Variants in ZRANB3 observed in about 807,000 individuals in gnomAD.
The protein encoded by ZRANB3 is DNA annealing helicase and endonuclease ZRANB3.
A neutral mutation model predicts 133.8 loss-of-function variants in ZRANB3; 125 were observed. The ratio of observed to expected loss-of-function variants is 0.93; its 90% CI spans 0.81 to 1.08. The LOEUF (loss-of-function observed/expected upper bound fraction) is 1.08. Among genes scored for constraint, ZRANB3 ranks in the 50% least tolerant of loss-of-function variants. The pLI is 0.00. For synonymous variants in ZRANB3, 387 were observed against 432.7 expected (o/e 0.89, Z 1.31); for missense variants, 1,229 against 1,275.5 (o/e 0.96, Z 0.56).
intron 2 of ZRANB3, among the ~76,000 whole-genome samples, chr2:135,456,409 T>C (rs193179290): frequency 6.6e-6 from 1 of 152,320 alleles, no homozygotes. Context: ...GGCCTTACAT[T>C]ACCTGTAAGG....
chr2:135,273,981 C>G (rs73960635), intron 9 of ZRANB3, among the ~76,000 whole-genome samples: 1 of 152,014 alleles, frequency 6.6e-6, no homozygotes, highest in Admixed American at 6.5e-5. Context: ...AAAAATATTA[C>G]GAATCTAATT....
chr2:135,266,462 G>C (rs1339598029), intron 11 of ZRANB3, among the ~76,000 whole-genome samples: 1 of 151,828 alleles, frequency 6.6e-6, no homozygotes, highest in Non-Finnish European at 1.5e-5. Flanking sequence ...AAGGAGTCTG[G>C]CACCTTTTAA....
chr2:135,254,008 C>T (rs145329321), intron 12 of ZRANB3, among the ~76,000 whole-genome samples: 630 of 152,316 alleles, frequency 4.1e-3, no homozygotes, highest in Middle Eastern at 0.02. Context: ...TTTGGCATGG[C>T]AAGTGTGAGT....
At chr2:135,390,692 C>T (rs1574023863) in intron 3 of ZRANB3, 110 bp downstream of exon 3, 2 of 1,458,074 alleles carry the variant, frequency 1.4e-6, no homozygotes, top group East Asian at 2.5e-5. Flanking sequence ...TCTCCCCATC[C>T]CCATATACAG....
intron 12 of ZRANB3, among the ~76,000 whole-genome samples, chr2:135,259,785 T>A (rs902493557): frequency 3.9e-5 from 6 of 152,186 alleles, no homozygotes; most frequent in Non-Finnish European, 7.3e-5. Context: ...CCTTTTTTTT[T>A]TTGGCTCACC....
intron 3 of ZRANB3, among the ~76,000 whole-genome samples, chr2:135,383,918 A>C (rs1217597381): frequency 6.6e-6 from 1 of 152,214 alleles, no homozygotes; most frequent in Non-Finnish European, 1.5e-5. Context: ...ACACCCTGAC[A>C]ACACAATTAA....
In ZRANB3 at chr2:135,286,324, C is replaced by CTT. The variant is rs1321374567; in HGVS notation, c.967-10570_967-10569insAA. ...AGGGAGTCTGGCTTTGCCACCCAGGCTGGAGTGCAGTGGTACAATCTCGGC... is the reference window on the plus strand; with the variant it reads ...AGGGAGTCTGGCTTTGCCACCCAGGCTTTGGAGTGCAGTGGTACAATCTCGGC... On this transcript the variant is annotated intron_variant, in intron 8 of 20. Transcript: ENST00000264159. Among the ~76,000 whole-genome samples, 19 of 152,306 alleles carry CTT rather than the reference C, an allele frequency of 1.2e-4. No individual in the cohort carries two copies. In the East Asian group the frequency reaches 3.3e-3, roughly 26 times the overall value.
chr2:135,396,510 A>T (rs749117525), intron 2 of ZRANB3, among the ~76,000 whole-genome samples: 3 of 152,158 alleles, frequency 2.0e-5, no homozygotes, highest in Non-Finnish European at 4.4e-5. Flanking sequence ...TGTCATTTGC[A>T]ACAACATGGG....
intron 8 of ZRANB3, among the ~76,000 whole-genome samples, chr2:135,299,166 G>T (rs1456095889): frequency 6.6e-6 from 1 of 152,118 alleles, no homozygotes; most frequent in Non-Finnish European, 1.5e-5. Context: ...CTCTCCTTGG[G>T]CTGGGACTGC....
chr2:135,501,734 T>C (rs1166345994), intron 2 of ZRANB3, among the ~76,000 whole-genome samples: 1 of 152,172 alleles, frequency 6.6e-6, no homozygotes, highest in Non-Finnish European at 1.5e-5. Context: ...TCAGTTGTCT[T>C]GAAAAAATGT....
intron 3 of ZRANB3, among the ~76,000 whole-genome samples, chr2:135,379,324 T>G (rs2104909497): frequency 6.6e-6 from 1 of 152,348 alleles, no homozygotes; most frequent in Middle Eastern, 3.4e-3. Flanking sequence ...ACCTTCATTC[T>G]AACTTCACTG....
intron 6 of ZRANB3, among the ~76,000 whole-genome samples, chr2:135,329,008 T>C (rs1204881459): frequency 6.6e-6 from 1 of 152,238 alleles, no homozygotes; most frequent in African/African-American, 2.4e-5. Context: ...ATTTTGTAGG[T>C]TGCCTGTTCA....
intron 6 of ZRANB3, among the ~76,000 whole-genome samples, chr2:135,325,054 T>C (rs1056880833): frequency 1.3e-5 from 2 of 152,206 alleles, no homozygotes; most frequent in Non-Finnish European, 2.9e-5. Flanking sequence ...AAACTTACTA[T>C]TATAAAGATG....
intron 1 of ZRANB3, among the ~76,000 whole-genome samples, chr2:135,517,620 G>T (rs1379790643): frequency 6.6e-6 from 1 of 152,206 alleles, no homozygotes; most frequent in Non-Finnish European, 1.5e-5. Flanking sequence ...AACAGCAAAG[G>T]TTGCTGCCTG....
chr2:135,351,265 C>G (rs961708220), intron 4 of ZRANB3, among the ~76,000 whole-genome samples: 1 of 119,702 alleles, frequency 8.4e-6, no homozygotes, highest in Non-Finnish European at 1.7e-5. Context: ...CTATAATTTT[C>G]TTTTTTTTTT....
At chr2:135,200,816 T>C (rs1011281656) in intron 20 of ZRANB3, among the ~76,000 whole-genome samples, 4 of 149,510 alleles carry the variant, frequency 2.7e-5, no homozygotes, top group African/African-American at 9.9e-5. Context: ...AGTGAAGTGA[T>C]GTGATCTCGG....
At chr2:135,317,118 C>T (rs896455359) in intron 6 of ZRANB3, among the ~76,000 whole-genome samples, 2 of 151,496 alleles carry the variant, frequency 1.3e-5, no homozygotes, top group South Asian at 4.2e-4. Flanking sequence ...TTTAAAAAAT[C>T]TAAGTGCTGT....
At chr2:135,317,042 T>C (rs1683298575) in intron 6 of ZRANB3, among the ~76,000 whole-genome samples, 1 of 150,740 alleles carries the variant, frequency 6.6e-6, no homozygotes, top group South Asian at 2.1e-4. Context: ...AGTGAATGAA[T>C]GGAATCTACT....
rs1422538376 is a variant in ZRANB3 at position 135,313,546 on chromosome 2, G to A, written c.909C>T (p.Ala303=). ...TTATCAACCCCATGACTGTCTCCAT[G>A]GCACCTGAATTTGGAGTTCTCATTA... is the stretch of plus-strand genomic sequence containing the variant. ...EKIMRTPNSG[A]METVMGLITR... is the part of the protein sequence containing the mutation. The change falls in exon 8 of 21, where the codon GCC becomes GCT. Residue 303 remains alanine (A), a synonymous_variant. Transcript: ENST00000264159. 1.2e-6 allele frequency: 2 copies of A among 1,613,712 alleles called. No individual in the cohort carries two copies. Among genetic ancestry groups the A allele is most frequent in the Admixed American group, 1.7e-5 (1 of 60,000 alleles).
Sources: allele counts gnomAD v4.1 joint callset (sites outside exome capture counted in the v4.1 genomes callset), GRCh38; gene constraint gnomAD v4.1.1; transcripts MANE v1.5; gene names NCBI Gene and HGNC (gene_info 2026-07-23, HGNC 2026-07-21).